The following CTNNA2 variants were observed in gnomAD, a reference collection of about 807,000 sequenced individuals.
CTNNA2 encodes the protein catenin alpha-2.
CTNNA2 carries 42 observed loss-of-function variants against 101.0 expected under a neutral mutation model. That is an observed-to-expected ratio of 0.42 (90% CI 0.32 to 0.54). CTNNA2 has a LOEUF of 0.54. Ranked by LOEUF, CTNNA2 falls within the 20% of genes least tolerant of loss-of-function variation. CTNNA2 has a pLI of 0.14. For synonymous variants in CTNNA2, 450 were observed against 456.4 expected (o/e 0.99, Z 0.18); for missense variants, 871 against 1,223.1 (o/e 0.71, Z 4.29).
At chr2:80,484,191 T>G (rs1686366843) in intron 9 of CTNNA2, among the ~76,000 whole-genome samples, 1 of 152,006 alleles carries the variant, frequency 6.6e-6, no homozygotes, top group African/African-American at 2.4e-5. Flanking sequence ...GTATGCTCAC[T>G]TATGTGTGGA....
chr2:80,381,342 A>C (rs1303985709), intron 7 of CTNNA2, among the ~76,000 whole-genome samples: 1 of 152,044 alleles, frequency 6.6e-6, no homozygotes, highest in Non-Finnish European at 1.5e-5. Context: ...CAAATAGTTA[A>C]AATATTTCTT....
At chr2:79,273,578 A>G (rs1675137916) in intron 2 of CTNNA2, among the ~76,000 whole-genome samples, 3 of 152,108 alleles carry the variant, frequency 2.0e-5, no homozygotes, top group Admixed American at 2.0e-4. Context: ...TATGGGTTAT[A>G]GTAACATCAT....
At chr2:79,493,953 A>T (rs1305960189) in intron 4 of CTNNA2, 1 of 152,196 alleles carries the variant, frequency 6.6e-6, no homozygotes, top group Non-Finnish European at 1.5e-5. Context: ...AAGTATTAAA[A>T]TAATAAACGA....
At chr2:79,558,887 A>T (rs1250865659) in intron 1 of CTNNA2, among the ~76,000 whole-genome samples, 1 of 125,916 alleles carries the variant, frequency 7.9e-6, no homozygotes, top group Non-Finnish European at 1.7e-5. Context: ...TTTGGCTAGC[A>T]GGATAGAGGT....
At chr2:79,524,238 T>A (rs999923425) in intron 1 of CTNNA2, among the ~76,000 whole-genome samples, 77 of 152,022 alleles carry the variant, frequency 5.1e-4, no homozygotes, top group Non-Finnish European at 9.4e-4. Context: ...AAGTCTTTTT[T>A]GTGTCCTTCA....
At chr2:80,593,958 A>C (rs1696729967) in intron 15 of CTNNA2, among the ~76,000 whole-genome samples, 1 of 152,148 alleles carries the variant, frequency 6.6e-6, no homozygotes. Flanking sequence ...TAAGTATGTA[A>C]GTTCCTGCTT....
rs772801013 is a variant in CTNNA2, at chr2:80,302,897, C to T, written c.1057-90314C>T. On this transcript the variant is annotated intron_variant, in intron 7 of 18. Transcript: ENST00000402739. This position sits in a 1 kb window ranked among gnomAD's most constrained non-coding sequence, Gnocchi z 6.4. ...CCACAGGTTCCCGGCCAGGGTGATGCTTGTCAGGGACTTCCAAGAGTTGAG... is the reference window on the plus strand; with the variant it reads ...CCACAGGTTCCCGGCCAGGGTGATGTTTGTCAGGGACTTCCAAGAGTTGAG... 2 of 1,614,106 alleles carry T rather than the reference C, an allele frequency of 1.2e-6. No homozygotes were observed. Among genetic ancestry groups the T allele is most frequent in the Admixed American group, 1.7e-5 (1 of 60,028 alleles).
At chr2:79,828,477 T>C (rs1381378164) in intron 3 of CTNNA2, among the ~76,000 whole-genome samples, 1 of 152,236 alleles carries the variant, frequency 6.6e-6, no homozygotes, top group African/African-American at 2.4e-5. Flanking sequence ...AATTTACTTT[T>C]ACTATACAGA....
Position 79,503,498 on chromosome 2 carries a change from T to A in CTNNA2, c.-134-1556T>A, listed in dbSNP as rs79824338. Among the ~76,000 whole-genome samples, 1,511 of 152,262 alleles carry A rather than the reference T, an allele frequency of 9.9e-3. 25 individuals carry two copies. The highest frequency in any genetic ancestry group is 0.047 in the East Asian group (242 of 5,158). ...GCAGCAATGGTGTCACACAATTCCCTGATCTTACTACATACTTATTGGCTT... is the reference window on the plus strand; with the variant it reads ...GCAGCAATGGTGTCACACAATTCCCAGATCTTACTACATACTTATTGGCTT... On this transcript the variant is annotated intron_variant, in intron 4 of 21. Coordinates refer to the CTNNA2 transcript ENST00000466387.
intron 1 of CTNNA2, among the ~76,000 whole-genome samples, chr2:79,558,749 A>ATTT (rs1573341400): frequency 1.3e-5 from 2 of 152,076 alleles, no homozygotes; most frequent in East Asian, 3.9e-4. Context: ...ATGCACAAAG[A>ATTT]CTCAGCGTTT....
At chr2:79,198,538 G>C (rs1240534967) in intron 2 of CTNNA2, among the ~76,000 whole-genome samples, 1 of 152,168 alleles carries the variant, frequency 6.6e-6, no homozygotes, top group Non-Finnish European at 1.5e-5. Context: ...AGTTTACACA[G>C]TAGAATATTA....
At chr2:79,277,858 G>A (rs1675253386) in intron 2 of CTNNA2, among the ~76,000 whole-genome samples, 1 of 151,998 alleles carries the variant, frequency 6.6e-6, no homozygotes, top group South Asian at 2.1e-4. Context: ...AGCAAATAAA[G>A]TACATTTTGA....
At chr2:79,581,709 A>T (rs1392210805) in intron 1 of CTNNA2, among the ~76,000 whole-genome samples, 1 of 152,208 alleles carries the variant, frequency 6.6e-6, no homozygotes, top group Non-Finnish European at 1.5e-5. Flanking sequence ...AGAAAAATAG[A>T]TTGAAGGTAT....
At chr2:80,242,912 C>A (rs1454818531) in intron 7 of CTNNA2, among the ~76,000 whole-genome samples, 1 of 152,066 alleles carries the variant, frequency 6.6e-6, no homozygotes, top group Non-Finnish European at 1.5e-5. Context: ...TTCACTAGGA[C>A]CACTGGAGGA....
intron 2 of CTNNA2, among the ~76,000 whole-genome samples, chr2:79,244,266 C>A (rs1308442508): frequency 6.6e-6 from 1 of 152,224 alleles, no homozygotes; most frequent in Non-Finnish European, 1.5e-5. Context: ...AATACCACCT[C>A]TTCTGGTCTC....
rs572798704 is a variant in CTNNA2 at position 79,773,530 on chromosome 2, A to C, written c.298+28948A>C. Among the ~76,000 whole-genome samples the C allele has an allele frequency of 3.9e-5, 6 of 152,312 alleles. No individual in the cohort carries two copies. The South Asian group carries it at 1.2e-3, about 32-fold the overall frequency. ...TTTGAGTTTCTGATAAGCCTTTCCAAAGGTGGCAGTCAGAATATGCATCTA... is the reference window on the plus strand; with the variant it reads ...TTTGAGTTTCTGATAAGCCTTTCCACAGGTGGCAGTCAGAATATGCATCTA... On this transcript the variant is annotated intron_variant, in intron 3 of 18. Transcript: ENST00000402739.
intron 2 of CTNNA2, among the ~76,000 whole-genome samples, chr2:79,683,047 G>C (rs1334936664): frequency 2.0e-5 from 3 of 152,154 alleles, no homozygotes; most frequent in Admixed American, 1.3e-4. Flanking sequence ...TGACTTGATT[G>C]GTTCTTTACA....
chr2:80,503,205 A>C (rs776111581), intron 9 of CTNNA2, among the ~76,000 whole-genome samples: 11 of 152,130 alleles, frequency 7.2e-5, no homozygotes, highest in Non-Finnish European at 1.5e-4. Context: ...TAAAAGAAAG[A>C]AATTCTACCA....
At chr2:79,703,174 T>G (rs1329978481) in intron 2 of CTNNA2, among the ~76,000 whole-genome samples, 1 of 152,228 alleles carries the variant, frequency 6.6e-6, no homozygotes. Flanking sequence ...TTTTTTCTGC[T>G]ACATTTGACA....
Sources: gnomAD v4.1 joint callset for allele counts (sites outside exome capture counted in the v4.1 genomes callset) on GRCh38, gnomAD v4.1.1 for gene constraint, Gnocchi (gnomAD v3.1) non-coding constraint, MANE v1.5 for transcripts, NCBI Gene and HGNC (gene_info 2026-07-23, HGNC 2026-07-21) for gene names.